The following TENM4 variants were observed in gnomAD, a reference collection of about 807,000 sequenced individuals.
The protein encoded by TENM4 is teneurin transmembrane protein 4, also known as teneurin-4.
Under a neutral mutation model 243.3 loss-of-function variants are expected in TENM4, and 82 were observed. The observed-to-expected ratio is 0.34, with a 90% CI of 0.28 to 0.40. TENM4 has a LOEUF of 0.40. Ranked by LOEUF, TENM4 falls within the 10% of genes least tolerant of loss-of-function variation. TENM4 has a pLI of 1.00. For synonymous variants in TENM4, 1,412 were observed against 1,456.3 expected (o/e 0.97, Z 0.69); for missense variants, 3,138 against 3,673.3 (o/e 0.85, Z 3.77).
At chr11:79,316,509 G>T (rs1393252927) in intron 1 of TENM4, among the ~76,000 whole-genome samples, 1 of 152,182 alleles carries the variant, frequency 6.6e-6, no homozygotes, top group Non-Finnish European at 1.5e-5. Context: ...ACTGGGTTGA[G>T]TATTACTGTC....
intron 6 of TENM4, among the ~76,000 whole-genome samples, chr11:78,961,434 G>T (rs1018893778): frequency 1.3e-5 from 2 of 152,126 alleles, no homozygotes; most frequent in African/African-American, 4.8e-5. Flanking sequence ...GATACAAGCT[G>T]GTCACCCTGG....
At chr11:79,383,002 C>A (rs1858036388) in intron 1 of TENM4, among the ~76,000 whole-genome samples, 1 of 152,168 alleles carries the variant, frequency 6.6e-6, no homozygotes, top group Non-Finnish European at 1.5e-5. Context: ...TCTGCCCCTA[C>A]AGACCCTTCC....
At chr11:79,184,795 G>C (rs961733238) in intron 3 of TENM4, among the ~76,000 whole-genome samples, 1 of 152,002 alleles carries the variant, frequency 6.6e-6, no homozygotes, top group East Asian at 1.9e-4. Context: ...GGAGATGGAC[G>C]GTTGTACAAC....
chr11:78,810,537 G>T (rs1401042180), intron 14 of TENM4, among the ~76,000 whole-genome samples: 1 of 152,146 alleles, frequency 6.6e-6, no homozygotes, highest in Non-Finnish European at 1.5e-5. Flanking sequence ...GCAGATGAAG[G>T]TCACCATTCT....
intron 5 of TENM4, among the ~76,000 whole-genome samples, chr11:79,066,293 G>A (rs1860244555): frequency 6.6e-6 from 1 of 152,198 alleles, no homozygotes; most frequent in Non-Finnish European, 1.5e-5. Flanking sequence ...CAAGTTAGAA[G>A]GCAGAAGAGG....
At chr11:79,206,220 G>A (rs1863847557) in intron 3 of TENM4, among the ~76,000 whole-genome samples, 1 of 152,180 alleles carries the variant, frequency 6.6e-6, no homozygotes, top group African/African-American at 2.4e-5. Flanking sequence ...ATGCCCCTAT[G>A]TTCCCAGAGA....
intron 6 of TENM4, among the ~76,000 whole-genome samples, chr11:78,942,576 T>C (rs1452217002): frequency 6.6e-6 from 1 of 152,126 alleles, no homozygotes; most frequent in African/African-American, 2.4e-5. Context: ...ACAAGTTTGC[T>C]CTAGGGCAAA....
intron 1 of TENM4, among the ~76,000 whole-genome samples, chr11:79,334,170 G>A (rs1256480572): frequency 6.6e-6 from 1 of 152,204 alleles, no homozygotes; most frequent in Non-Finnish European, 1.5e-5. Context: ...TCAAAGAGCA[G>A]GTCCCAGCTG....
chr11:79,063,531 G>T (rs1011021011), intron 6 of TENM4, among the ~76,000 whole-genome samples: 3 of 152,132 alleles, frequency 2.0e-5, no homozygotes, highest in African/African-American at 7.2e-5. Context: ...GGCTGTTCCT[G>T]GGCTCTGCCA....
At chr11:79,169,468 TTGGAATC>T in intron 3 of TENM4, among the ~76,000 whole-genome samples, 2 of 152,140 alleles carry the variant, frequency 1.3e-5, no homozygotes, top group Non-Finnish European at 2.9e-5. Flanking sequence ...GACTCAGGTC[TTGGAATC>T]CTTCCTCTTC....
At chr11:79,208,918 C>T (rs546858082) in intron 3 of TENM4, among the ~76,000 whole-genome samples, 15 of 152,284 alleles carry the variant, frequency 9.9e-5, no homozygotes, top group South Asian at 4.2e-4. Context: ...CATTTCTCAG[C>T]GGGTAAGTCA....
intron 2 of TENM4, among the ~76,000 whole-genome samples, chr11:79,293,131 T>C (rs1475101849): frequency 1.4e-5 from 2 of 147,360 alleles, no homozygotes; most frequent in Non-Finnish European, 3.0e-5. Flanking sequence ...CACTGTGTGC[T>C]ACATGCTTTA....
At chr11:79,175,159 G>A (rs1019163854) in intron 3 of TENM4, among the ~76,000 whole-genome samples, 1 of 152,152 alleles carries the variant, frequency 6.6e-6, no homozygotes, top group African/African-American at 2.4e-5. Context: ...AACTAGTACA[G>A]GTTTTTTAGA....
At chr11:79,212,812 A>G (rs182179614) in intron 3 of TENM4, among the ~76,000 whole-genome samples, 4 of 151,604 alleles carry the variant, frequency 2.6e-5, no homozygotes, top group Admixed American at 2.6e-4. Context: ...TGTCCCATTT[A>G]CCTCCTCCCC....
chr11:79,415,325 G>A (rs1858790134), intron 1 of TENM4, among the ~76,000 whole-genome samples: 1 of 152,172 alleles, frequency 6.6e-6, no homozygotes, highest in Non-Finnish European at 1.5e-5. Context: ...GTGCATTTTG[G>A]TTTTCACCCA....
At chr11:79,178,766 C>G (rs972706452) in intron 3 of TENM4, among the ~76,000 whole-genome samples, 5 of 152,186 alleles carry the variant, frequency 3.3e-5, no homozygotes, top group Admixed American at 6.5e-5. Context: ...CAGGGTCCAG[C>G]ACAGTCACAG....
chr11:79,276,261 G>A (rs1163123793), intron 2 of TENM4, among the ~76,000 whole-genome samples: 2 of 152,222 alleles, frequency 1.3e-5, no homozygotes, highest in Non-Finnish European at 2.9e-5. Flanking sequence ...ATGGCATACT[G>A]TATAAGACAT....
rs1857185406 is a variant in TENM4 at position 79,338,219 on chromosome 11, A to G, written c.-320-40676T>C. Among the ~76,000 whole-genome samples, 3 of 152,344 alleles carry G rather than the reference A, an allele frequency of 2.0e-5. No individual in the cohort carries two copies. In the Middle Eastern group the frequency reaches 0.01, roughly 518 times the overall value. ...TAAGCAGTCCCAGCATGTTCCAACC[A>G]CAATAAAAACCAGGGAGGTTTGCAT... On this transcript the variant is annotated intron_variant, in intron 1 of 33. Coordinates refer to ENST00000278550, the MANE Select transcript of TENM4 (RefSeq NM_001098816.3).
At chr11:78,785,257 A>G (rs1355490469) in intron 16 of TENM4, among the ~76,000 whole-genome samples, 1 of 152,158 alleles carries the variant, frequency 6.6e-6, no homozygotes, top group Non-Finnish European at 1.5e-5. Flanking sequence ...TGACACCGAT[A>G]TAAAGAAGCC....
Sources: gnomAD v4.1 joint callset for allele counts (sites outside exome capture counted in the v4.1 genomes callset) on GRCh38, gnomAD v4.1.1 for gene constraint, MANE v1.5 for transcripts, NCBI Gene and HGNC (gene_info 2026-07-23, HGNC 2026-07-21) for gene names.